Variants in DNTT observed in about 807,000 individuals in gnomAD.
DNTT encodes nucleosidetriphosphate:DNA deoxynucleotidylexotransferase.
A neutral mutation model predicts 60.9 loss-of-function variants in DNTT; 47 were observed. The ratio of observed to expected loss-of-function variants is 0.77; its 90% CI spans 0.61 to 0.98. The LOEUF is 0.98. Ranked by LOEUF, DNTT falls within the 50% of genes least tolerant of loss-of-function variation. DNTT has a pLI of 0.00. For missense variants in DNTT, 665 were observed against 627.5 expected (o/e 1.06, Z -0.64); for synonymous variants, 224 against 221.2 (o/e 1.01, Z -0.11).
At chr10:96,335,021 T>C (rs759024351) in intron 9 of DNTT, among the ~76,000 whole-genome samples, 1 of 152,246 alleles carries the variant, frequency 6.6e-6, no homozygotes, top group Non-Finnish European at 1.5e-5. Context: ...AAAGGACTTC[T>C]GATTGCAAAG....
At chr10:96,317,317 T>C (rs1170344880) in intron 1 of DNTT, among the ~76,000 whole-genome samples, 1 of 152,238 alleles carries the variant, frequency 6.6e-6, no homozygotes, top group East Asian at 1.9e-4. Context: ...GTAACACTTA[T>C]TGAGGAGCTA....
rs372756048 is a variant in DNTT, at chr10:96,304,647, G to T, written c.150G>T (p.Ala50=). 3 of 1,614,154 alleles carry T rather than the reference G, an allele frequency of 1.9e-6. No homozygotes were observed. Among genetic ancestry groups the T allele is most frequent in the Non-Finnish European group, 2.5e-6 (3 of 1,180,018 alleles). Residue 50 remains alanine, a synonymous_variant, in exon 1 of 11, where the codon GCG becomes GCT. Transcript: ENST00000371174. ...LEKKMGTTRR[A]FLMELARRKG... ...AGAAAATGGGAACCACCCGCAGAGC[G>T]TTCCTCATGGAGCTGGCCCGCAGGA...
intron 2 of DNTT, 128 bp from the exon 3 acceptor site, chr10:96,319,133 AT>A (rs774624318): frequency 5.3e-5 from 53 of 997,418 alleles, no homozygotes; most frequent in Middle Eastern, 2.5e-4. Context: ...AGAGATGTAT[AT>A]AACATAAATT....
At chr10:96,313,549 C>T (rs187053422) in intron 1 of DNTT, among the ~76,000 whole-genome samples, 12 of 152,276 alleles carry the variant, frequency 7.9e-5, no homozygotes, top group African/African-American at 2.4e-4. Context: ...GTTTGAACCT[C>T]GGCTTCATGT....
intron 4 of DNTT, among the ~76,000 whole-genome samples, chr10:96,322,192 C>T (rs570858110): frequency 1.2e-4 from 19 of 152,288 alleles, no homozygotes; most frequent in African/African-American, 4.6e-4. Context: ...GTATATTATT[C>T]AAGGACAATT....
intron 1 of DNTT, among the ~76,000 whole-genome samples, chr10:96,312,297 G>A (rs949835220): frequency 6.6e-6 from 1 of 152,176 alleles, no homozygotes; most frequent in Non-Finnish European, 1.5e-5. Context: ...GTCCTCCTGT[G>A]GAGAGGGAGG....
Position 96,322,647 on chromosome 10 carries a change from T to C in DNTT, c.679-10T>C, listed in dbSNP as rs1281525105. On this transcript the variant is annotated splice_polypyrimidine_tract_variant and intron_variant, in intron 4 of 10. Transcript: ENST00000371174. ...TCACTAATTTAAAATATTTTTCAACTGTCCATTAGGAGATTATTGAAGATG... is the reference window on the plus strand; with the variant it reads ...TCACTAATTTAAAATATTTTTCAACCGTCCATTAGGAGATTATTGAAGATG... 1.3e-5 allele frequency: 20 copies of C among 1,580,784 alleles called. No homozygotes were observed. Among genetic ancestry groups the C allele is most frequent in the Non-Finnish European group, 1.7e-5 (20 of 1,157,926 alleles).
rs759867826 is a variant in DNTT at position 96,332,417 on chromosome 10, G to C, written c.1180G>C (p.Val394Leu). The C allele has an allele frequency of 6.2e-7, 1 of 1,614,202 alleles. No individual in the cohort carries two copies. Among genetic ancestry groups the C allele is most frequent in the East Asian group, 2.2e-5 (1 of 44,874 alleles). ...FEKLRLPSRKVDALDHFQKCF... is the reference protein window; with the variant it reads ...FEKLRLPSRKLDALDHFQKCF... ...AAAGCTCAGGTTGCCTAGCAGGAAG[G>C]TTGATGCTTTGGATCATTTTCAAAA... The change falls in exon 9 of 11, where the codon GTT (valine) becomes CTT (leucine). Residue 394 changes from valine to leucine, a missense_variant. Val to Leu is a conservative substitution (Grantham distance 32, BLOSUM62 1). Coordinates refer to ENST00000371174, the MANE Select transcript of DNTT (RefSeq NM_004088.4).
chr10:96,322,612 T>C (rs1221762666), intron 4 of DNTT, 45 bp from the exon 5 acceptor site: 1 of 1,500,564 alleles, frequency 6.7e-7, no homozygotes, highest in Non-Finnish European at 9.1e-7. Flanking sequence ...TAGACAGTAA[T>C]TGTCCAACAT....
intron 8 of DNTT, among the ~76,000 whole-genome samples, chr10:96,330,842 G>A (rs915027819): frequency 6.6e-6 from 1 of 152,164 alleles, no homozygotes; most frequent in African/African-American, 2.4e-5. Context: ...TGCAAACTGA[G>A]CTTTAGCAAA....
intron 8 of DNTT, among the ~76,000 whole-genome samples, chr10:96,330,077 G>C (rs916207191): frequency 6.6e-6 from 1 of 152,236 alleles, no homozygotes; most frequent in East Asian, 1.9e-4. Context: ...CCAGAGCCCA[G>C]AGGGCTGCCC....
At chr10:96,326,381 G>A (rs370761849) in intron 6 of DNTT, among the ~76,000 whole-genome samples, 28 of 152,196 alleles carry the variant, frequency 1.8e-4, no homozygotes, top group East Asian at 1.2e-3. Flanking sequence ...CACAAGTGGC[G>A]TGGTTTGGTA....
chr10:96,336,170 T>G (rs1269142939), intron 10 of DNTT, among the ~76,000 whole-genome samples, 196 bp downstream of exon 10: 1 of 152,164 alleles, frequency 6.6e-6, no homozygotes, highest in Non-Finnish European at 1.5e-5. Flanking sequence ...CAGAATGCAA[T>G]TCGAGAGATT....
chr10:96,331,550 G>T (rs1845006820), intron 8 of DNTT, among the ~76,000 whole-genome samples: 1 of 152,044 alleles, frequency 6.6e-6, no homozygotes, highest in Admixed American at 6.5e-5. Flanking sequence ...GTAACCCCCA[G>T]CTTTCACGGG....
intron 1 of DNTT, among the ~76,000 whole-genome samples, chr10:96,317,046 T>C (rs959648993): frequency 6.6e-6 from 1 of 152,196 alleles, no homozygotes; most frequent in Non-Finnish European, 1.5e-5. Context: ...ATTGCTATGT[T>C]TTCTCTTCGA....
At chr10:96,331,224 C>G (rs1845002874) in intron 8 of DNTT, among the ~76,000 whole-genome samples, 1 of 152,156 alleles carries the variant, frequency 6.6e-6, no homozygotes, top group Non-Finnish European at 1.5e-5. Context: ...CATCTTGCCC[C>G]AAAGTTAGAC....
chr10:96,338,098 A>G, intron 10 of DNTT, 40 bp from the exon 11 acceptor site: 1 of 1,582,074 alleles, frequency 6.3e-7, no homozygotes, highest in East Asian at 2.2e-5. Flanking sequence ...GGTGCTTATG[A>G]AAAATATCTG....
intron 1 of DNTT, among the ~76,000 whole-genome samples, chr10:96,316,434 C>T (rs938213139): frequency 1.3e-5 from 2 of 152,190 alleles, no homozygotes; most frequent in African/African-American, 4.8e-5. Flanking sequence ...TTTAAAATAA[C>T]ACTGTAGTGC....
At chr10:96,306,361 G>A (rs1844637468) in intron 1 of DNTT, 1 of 152,142 alleles carries the variant, frequency 6.6e-6, no homozygotes, top group Non-Finnish European at 1.5e-5. Flanking sequence ...CAAAGTGCTG[G>A]GATTACAGGC....
Sources: gnomAD v4.1 joint callset for allele counts (sites outside exome capture counted in the v4.1 genomes callset) on GRCh38, gnomAD v4.1.1 for gene constraint, MANE v1.5 for transcripts, NCBI Gene and HGNC (gene_info 2026-07-23, HGNC 2026-07-21) for gene names.